Variants in FHIT observed in about 807,000 individuals in gnomAD.
FHIT encodes bis(5'-adenosyl)-triphosphatase.
A neutral mutation model predicts 17.9 loss-of-function variants in FHIT; 19 were observed. That is an observed-to-expected ratio of 1.06 (90% confidence interval 0.74 to 1.56). The LOEUF (loss-of-function observed/expected upper bound fraction) is 1.56. Among genes scored for constraint, FHIT ranks in the 40% most tolerant of loss-of-function variants. FHIT has a pLI of 0.00. For synonymous variants in FHIT, 81 were observed against 69.7 expected, an observed-to-expected ratio of 1.16 and a Z score of -0.81; for missense variants, 248 against 189.2, an observed-to-expected ratio of 1.31 and a Z score of -1.82.
At chr3:60,861,026 A>T (rs1703783606) in intron 3 of FHIT, among the ~76,000 whole-genome samples, 1 of 103,832 alleles carries the variant, frequency 9.6e-6, no homozygotes, top group Admixed American at 1.1e-4. Context: ...ATATATACGT[A>T]TATCATGTAT....
intron 4 of FHIT, among the ~76,000 whole-genome samples, chr3:60,590,170 T>C (rs1360046144): frequency 6.6e-6 from 1 of 152,050 alleles, no homozygotes; most frequent in Admixed American, 6.6e-5. Flanking sequence ...ATGAACCAAA[T>C]TTTTCTTGCT....
chr3:59,937,818 C>T (rs1706315941), intron 7 of FHIT, among the ~76,000 whole-genome samples: 1 of 152,144 alleles, frequency 6.6e-6, no homozygotes. Context: ...CCAAATCCTG[C>T]TTTTCTCTTG....
chr3:61,093,705 G>C (rs1247484356), intron 2 of FHIT, among the ~76,000 whole-genome samples: 1 of 152,066 alleles, frequency 6.6e-6, no homozygotes, highest in Non-Finnish European at 1.5e-5. Context: ...TTGAACAACG[G>C]GCATAATATG....
intron 5 of FHIT, among the ~76,000 whole-genome samples, chr3:60,146,403 C>T (rs886980120): frequency 6.6e-6 from 1 of 151,970 alleles, no homozygotes; most frequent in Admixed American, 6.6e-5. Context: ...CTAGATCCAG[C>T]TATCAAACAA....
chr3:60,614,170 G>A (rs561241261), intron 4 of FHIT, among the ~76,000 whole-genome samples: 2 of 152,114 alleles, frequency 1.3e-5, no homozygotes, highest in Non-Finnish European at 2.9e-5. Flanking sequence ...AAACCAAAGT[G>A]ATGAACTATG....
chr3:60,084,348 C>T (rs1471560803), intron 5 of FHIT, among the ~76,000 whole-genome samples: 1 of 152,110 alleles, frequency 6.6e-6, no homozygotes, highest in African/African-American at 2.4e-5. Context: ...TAATCCATTT[C>T]CCCAGTTCCA....
chr3:60,243,466 C>A (rs1705236260), intron 5 of FHIT, among the ~76,000 whole-genome samples: 1 of 152,066 alleles, frequency 6.6e-6, no homozygotes, highest in Non-Finnish European at 1.5e-5. Flanking sequence ...GAGAGCTTGA[C>A]CTGTGCCTGC....
intron 5 of FHIT, among the ~76,000 whole-genome samples, chr3:60,066,292 C>G (rs1216501682): frequency 6.6e-6 from 1 of 152,100 alleles, no homozygotes; most frequent in African/African-American, 2.4e-5. Context: ...TCTTGATACT[C>G]CGAATGAATT....
chr3:60,461,394 G>C (rs1330657395), intron 5 of FHIT, among the ~76,000 whole-genome samples: 1 of 152,122 alleles, frequency 6.6e-6, no homozygotes, highest in African/African-American at 2.4e-5. Flanking sequence ...GCAGCCCCTA[G>C]AGACATTCCC....
intron 3 of FHIT, among the ~76,000 whole-genome samples, chr3:61,036,361 T>C (rs1459383183): frequency 6.6e-6 from 1 of 150,620 alleles, no homozygotes; most frequent in Non-Finnish European, 1.5e-5. Context: ...CCTCCAACAC[T>C]GGGGATTACC....
intron 3 of FHIT, among the ~76,000 whole-genome samples, chr3:60,997,975 T>C (rs1360115665): frequency 6.6e-6 from 1 of 152,168 alleles, no homozygotes; most frequent in Non-Finnish European, 1.5e-5. Flanking sequence ...CCTATAAAGA[T>C]CACAAAGCAC....
chr3:60,947,638 C>A (rs1553776047), intron 3 of FHIT, among the ~76,000 whole-genome samples: 1 of 152,308 alleles, frequency 6.6e-6, no homozygotes, highest in South Asian at 2.1e-4. Context: ...AACCTGTACC[C>A]ACATGCCCAC....
At chr3:61,155,790 T>C (rs2037519006) in intron 2 of FHIT, among the ~76,000 whole-genome samples, 1 of 152,142 alleles carries the variant, frequency 6.6e-6, no homozygotes, top group Non-Finnish European at 1.5e-5. Flanking sequence ...AAAAGAGACA[T>C]AAGAGAAATA....
chr3:61,003,940 T>C (rs1277090416), intron 3 of FHIT, among the ~76,000 whole-genome samples: 1 of 152,220 alleles, frequency 6.6e-6, no homozygotes, highest in African/African-American at 2.4e-5. Flanking sequence ...AAGCAAAACA[T>C]GCTCTGTGAG....
At chr3:60,617,868 T>G (rs1285043974) in intron 4 of FHIT, 1 of 163,030 alleles carries the variant, frequency 6.1e-6, no homozygotes, top group Non-Finnish European at 1.3e-5. Flanking sequence ...TGCACCAATC[T>G]AATGGATTGT....
intron 7 of FHIT, among the ~76,000 whole-genome samples, chr3:59,972,829 G>T (rs144054351): frequency 1.4e-3 from 220 of 152,156 alleles, no homozygotes; most frequent in African/African-American, 5.0e-3. Flanking sequence ...AGGTTCTCTG[G>T]AAAACAGAAG....
chr3:61,166,773 C>T (rs572232088), intron 2 of FHIT, among the ~76,000 whole-genome samples: 2 of 152,314 alleles, frequency 1.3e-5, no homozygotes, highest in African/African-American at 2.4e-5. Context: ...TCATAAAGCA[C>T]CTACTCATTG....
At chr3:60,631,386 T>C (rs12487927) in intron 4 of FHIT, among the ~76,000 whole-genome samples, 33,004 of 152,136 alleles carry the variant, frequency 0.22, 3,906 homozygotes, top group South Asian at 0.27. Flanking sequence ...AGAGCCTGTC[T>C]TTCCAGCACC....
intron 2 of FHIT, among the ~76,000 whole-genome samples, chr3:61,063,087 G>C (rs1298243290): frequency 6.6e-6 from 1 of 151,700 alleles, no homozygotes; most frequent in African/African-American, 2.4e-5. Flanking sequence ...GTGAAACCTG[G>C]TCTCTACTAA....
Sources: allele counts gnomAD v4.1 joint callset (sites outside exome capture counted in the v4.1 genomes callset), GRCh38; gene constraint gnomAD v4.1.1; transcripts MANE v1.5; gene names NCBI Gene and HGNC (gene_info 2026-07-23, HGNC 2026-07-21).